Variants in SORCS1 observed in about 807,000 individuals in gnomAD.
The protein encoded by SORCS1 is sortilin related VPS10 domain containing receptor 1, also known as VPS10 domain-containing receptor SorCS1.
In SORCS1, 60 loss-of-function variants were observed where a neutral mutation model predicts 146.1. The observed-to-expected ratio is 0.41, with a 90% confidence interval of 0.33 to 0.51. The LOEUF is 0.51. Among genes scored for constraint, SORCS1 ranks in the 20% least tolerant of loss-of-function variants. SORCS1 has a pLI of 0.21. For missense variants in SORCS1, 1,352 were observed against 1,487.6 expected (o/e 0.91, Z 1.50); for synonymous variants, 637 against 584.0 (o/e 1.09, Z -1.31).
Position 107,164,188 on chromosome 10 carries a change from C to G in SORCS1, c.339G>C (p.Ala113=), listed in dbSNP as rs749403360. ...ARSGRRRRSG[A]DQEKAERGEG... ...CTCCCCGTTCTGCCTTCTCCTGATCCGCTCCGCTCCGTCTCCTCCGGCCGG... is the reference window on the plus strand; with the variant it reads ...CTCCCCGTTCTGCCTTCTCCTGATCGGCTCCGCTCCGTCTCCTCCGGCCGG... Residue 113 remains alanine (A), a synonymous_variant, in exon 1 of 26, where the codon GCG becomes GCC. Transcript: ENST00000263054. This position sits in a 1 kb window ranked among gnomAD's most constrained non-coding sequence, Gnocchi z 6.8. The G allele has an allele frequency of 6.2e-7, 1 of 1,611,484 alleles. No homozygotes were observed. The highest frequency in any genetic ancestry group is 8.5e-7 in the Non-Finnish European group (1 of 1,179,958).
intron 6 of SORCS1, among the ~76,000 whole-genome samples, chr10:106,715,877 C>G (rs746599633): frequency 3.9e-5 from 6 of 152,102 alleles, no homozygotes; most frequent in Non-Finnish European, 8.8e-5. Flanking sequence ...CCCAGCCTCC[C>G]GAGTAGCTGG....
intron 1 of SORCS1, among the ~76,000 whole-genome samples, chr10:107,051,579 G>A (rs17195022): frequency 6.6e-6 from 1 of 151,900 alleles, no homozygotes; most frequent in African/African-American, 2.4e-5. Flanking sequence ...TAACTCAGGG[G>A]GTTCATGGAT....
upstream of SORCS1, among the ~76,000 whole-genome samples, chr10:107,166,537 A>C (rs910101360): frequency 6.6e-6 from 1 of 152,234 alleles, no homozygotes; most frequent in African/African-American, 2.4e-5. Context: ...GAATCCTCCA[A>C]AACAGAAAGG....
At chr10:107,115,755 C>T (rs921717476) in intron 1 of SORCS1, among the ~76,000 whole-genome samples, 1 of 151,860 alleles carries the variant, frequency 6.6e-6, no homozygotes, top group Non-Finnish European at 1.5e-5. Flanking sequence ...AATGGGAGTA[C>T]ATAAAACCAA....
At chr10:106,620,282 T>A (rs560060258) in intron 20 of SORCS1, 146 bp downstream of exon 20, 1 of 939,316 alleles carries the variant, frequency 1.1e-6, no homozygotes, top group Non-Finnish European at 1.5e-6. Flanking sequence ...AATGATGAGA[T>A]ACTTGAGCAC....
At chr10:106,787,086 T>C (rs1217880893) in intron 3 of SORCS1, among the ~76,000 whole-genome samples, 1 of 152,212 alleles carries the variant, frequency 6.6e-6, no homozygotes, top group East Asian at 1.9e-4. Context: ...TCAATGTCCA[T>C]TAAAGTGTGC....
chr10:106,740,519 G>A (rs1803606496), intron 5 of SORCS1, among the ~76,000 whole-genome samples: 1 of 152,088 alleles, frequency 6.6e-6, no homozygotes, highest in Non-Finnish European at 1.5e-5. Flanking sequence ...AATTCAATAT[G>A]GAACACAGAG....
intron 1 of SORCS1, among the ~76,000 whole-genome samples, chr10:106,973,962 T>C (rs1021684462): frequency 2.1e-4 from 32 of 152,328 alleles, no homozygotes; most frequent in African/African-American, 7.2e-4. Context: ...AAAGGTGATG[T>C]CCTTGCAAAA....
At chr10:106,906,839 G>T (rs1490666291) in intron 2 of SORCS1, among the ~76,000 whole-genome samples, 2 of 152,166 alleles carry the variant, frequency 1.3e-5, no homozygotes, top group African/African-American at 4.8e-5. Flanking sequence ...CATCAATAGA[G>T]TATGGGATGT....
At chr10:106,604,946 T>TCCTG (rs1183250054) in intron 23 of SORCS1, among the ~76,000 whole-genome samples, 6 of 152,250 alleles carry the variant, frequency 3.9e-5, no homozygotes, top group African/African-American at 1.2e-4. Flanking sequence ...TTGGCTCAAT[T>TCCTG]ATTCAACTTT....
chr10:106,963,716 G>T (rs978712405), intron 1 of SORCS1, among the ~76,000 whole-genome samples: 4 of 152,056 alleles, frequency 2.6e-5, no homozygotes, highest in Non-Finnish European at 5.9e-5. Context: ...ATAATTTTCA[G>T]AAAACAAGAG....
At chr10:107,158,075 C>G (rs965120779) in intron 1 of SORCS1, among the ~76,000 whole-genome samples, 2 of 152,190 alleles carry the variant, frequency 1.3e-5, no homozygotes, top group African/African-American at 4.8e-5. Context: ...AGTGATCTCT[C>G]TCACCAATAA....
chr10:107,143,025 T>C (rs1368071701), intron 1 of SORCS1, among the ~76,000 whole-genome samples: 2 of 152,190 alleles, frequency 1.3e-5, no homozygotes, highest in African/African-American at 4.8e-5. Context: ...CACATCACTC[T>C]TGATCATACA....
intron 1 of SORCS1, among the ~76,000 whole-genome samples, chr10:107,150,112 G>A (rs947634244): frequency 6.6e-6 from 1 of 152,046 alleles, no homozygotes; most frequent in Non-Finnish European, 1.5e-5. Flanking sequence ...ATTGTTTATG[G>A]GTCTATTTCC....
At chr10:106,939,805 A>G (rs1473310497) in intron 2 of SORCS1, among the ~76,000 whole-genome samples, 1 of 152,204 alleles carries the variant, frequency 6.6e-6, no homozygotes, top group African/African-American at 2.4e-5. Flanking sequence ...AAATAAGAAA[A>G]AGGTTTTTCT....
chr10:106,621,449 G>A (rs1384607472), intron 19 of SORCS1, among the ~76,000 whole-genome samples: 1 of 151,332 alleles, frequency 6.6e-6, no homozygotes, highest in Non-Finnish European at 1.5e-5. Context: ...TCTTCTGCTT[G>A]CCCTGTAAAT....
chr10:106,970,720 T>C (rs1032950869), intron 1 of SORCS1, among the ~76,000 whole-genome samples: 1 of 151,636 alleles, frequency 6.6e-6, no homozygotes, highest in Non-Finnish European at 1.5e-5. Context: ...AAGACCGCAA[T>C]GCTTCTGACA....
intron 1 of SORCS1, among the ~76,000 whole-genome samples, chr10:106,976,338 T>TTTTTGTTTTG (rs1554901375): frequency 7.5e-6 from 1 of 133,812 alleles, no homozygotes; most frequent in Non-Finnish European, 1.5e-5. Context: ...TTTTTGTTTT[T>TTTTTGTTTTG]TTTTTTTTTT....
intron 1 of SORCS1, among the ~76,000 whole-genome samples, chr10:107,112,145 T>C (rs889455671): frequency 6.6e-6 from 1 of 151,918 alleles, no homozygotes; most frequent in Non-Finnish European, 1.5e-5. Context: ...TTAACCCTAG[T>C]ATAAAAGTTA....
Sources: gnomAD v4.1 joint callset for allele counts (sites outside exome capture counted in the v4.1 genomes callset) on GRCh38, gnomAD v4.1.1 for gene constraint, Gnocchi (gnomAD v3.1) non-coding constraint, MANE v1.5 for transcripts, NCBI Gene and HGNC (gene_info 2026-07-23, HGNC 2026-07-21) for gene names.